Variants in EBF2 observed in about 807,000 individuals in gnomAD.
The protein encoded by EBF2 is transcription factor COE2.
EBF2 carries 21 observed loss-of-function variants against 72.8 expected under a neutral mutation model. That is an observed-to-expected ratio of 0.29 (90% CI 0.20 to 0.42). EBF2 has a LOEUF of 0.42. EBF2 is among the 10% of genes least tolerant of loss of function. The probability of loss-of-function intolerance (pLI) is 1.00; values close to 1 mark genes in which losing one functional copy is unlikely to be tolerated. For synonymous variants in EBF2, 299 were observed against 274.2 expected (o/e 1.09, Z -0.89); for missense variants, 637 against 731.2 (o/e 0.87, Z 1.49).
At chr8:25,905,551 A>G (rs1049521705) in intron 7 of EBF2, among the ~76,000 whole-genome samples, 4 of 152,242 alleles carry the variant, frequency 2.6e-5, no homozygotes, top group African/African-American at 9.6e-5. Flanking sequence ...GAGGAACTTT[A>G]AAAACATTAT....
chr8:25,940,346 G>C (rs1585202350), intron 6 of EBF2, among the ~76,000 whole-genome samples: 1 of 152,300 alleles, frequency 6.6e-6, no homozygotes, highest in Non-Finnish European at 1.5e-5. Flanking sequence ...CAAGGACAGG[G>C]AGTTGACGTG....
At chr8:25,844,965 T>C (rs1053166203) in intron 15 of EBF2, among the ~76,000 whole-genome samples, 5 of 152,246 alleles carry the variant, frequency 3.3e-5, no homozygotes, top group African/African-American at 1.2e-4. Context: ...AATATATGCA[T>C]ATTTTTTTAT....
At chr8:25,867,289 A>T (rs188366104) in intron 10 of EBF2, among the ~76,000 whole-genome samples, 1 of 152,324 alleles carries the variant, frequency 6.6e-6, no homozygotes, top group African/African-American at 2.4e-5. Flanking sequence ...ATGCTCTATA[A>T]ATCTTACATA....
intron 6 of EBF2, among the ~76,000 whole-genome samples, chr8:25,958,561 C>G (rs932765858): frequency 1.4e-4 from 21 of 152,196 alleles, no homozygotes; most frequent in African/African-American, 4.3e-4. Flanking sequence ...TCCCCATTTC[C>G]TGCTGCTTAA....
At position 25,889,884 on chromosome 8, in the gene EBF2, T is replaced by C. The variant is rs757142348; in HGVS notation, c.634-15A>G. 6.2e-7 allele frequency: 1 copy of C among 1,607,512 alleles called. No homozygotes were observed. The highest frequency in any genetic ancestry group is 2.2e-5 in the East Asian group (1 of 44,820). The stretch of plus-strand genomic sequence containing the variant: ...GACAACACAACCTGCATATTTAAAG[T>C]AAAAAGGAGAAAGGGGGTGCAGTGG... On this transcript the variant is annotated splice_polypyrimidine_tract_variant and intron_variant, in intron 7 of 15. Coordinates refer to ENST00000520164, the MANE Select transcript of EBF2 (RefSeq NM_022659.4).
At chr8:25,910,463 T>G (rs1803108257) in intron 6 of EBF2, among the ~76,000 whole-genome samples, 1 of 152,164 alleles carries the variant, frequency 6.6e-6, no homozygotes, top group Admixed American at 6.5e-5. Context: ...TTGCCACAAC[T>G]GTGCTCCTTG....
chr8:25,949,829 T>G (rs1185080430), intron 6 of EBF2, among the ~76,000 whole-genome samples: 1 of 152,162 alleles, frequency 6.6e-6, no homozygotes, highest in Non-Finnish European at 1.5e-5. Context: ...AAAATAAACT[T>G]GGCCTACTTC....
At chr8:25,972,169 G>A (rs1036115016) in intron 6 of EBF2, among the ~76,000 whole-genome samples, 2 of 152,142 alleles carry the variant, frequency 1.3e-5, no homozygotes, top group Non-Finnish European at 2.9e-5. Flanking sequence ...GACCTGGAGC[G>A]GGGCTTTCCA....
intron 10 of EBF2, among the ~76,000 whole-genome samples, chr8:25,885,693 GTTCC>G (rs1390642254): frequency 5.9e-5 from 9 of 152,192 alleles, no homozygotes; most frequent in African/African-American, 2.2e-4. Flanking sequence ...TTTATAGTGG[GTTCC>G]CCTTCACTTG....
chr8:26,029,738 A>G (rs1258362440), intron 6 of EBF2, among the ~76,000 whole-genome samples: 2 of 152,248 alleles, frequency 1.3e-5, no homozygotes, highest in Non-Finnish European at 2.9e-5. Flanking sequence ...ACAGAGTTCT[A>G]TATTTACACA....
At chr8:25,888,384 C>T (rs1399822010) in intron 8 of EBF2, among the ~76,000 whole-genome samples, 2 of 152,142 alleles carry the variant, frequency 1.3e-5, no homozygotes, top group Admixed American at 1.3e-4. Context: ...GTCATTAAAG[C>T]CTAATGAGTT....
chr8:25,862,734 G>A lies in EBF2; in HGVS notation c.1073C>T (p.Pro358Leu). ...QRLQKVIPRH[P>L]GDPERLAKEM... ...CTTAGCTAATCTCTCAGGATCTCCA[G>A]GATGCCTAGGGATGACCTTCTGCAG... The change falls in exon 11 of 16, where the codon CCT (proline) becomes CTT (leucine). Residue 358 changes from proline to leucine, a missense_variant. Around this residue, in one of 3 missense-constraint regions of EBF2, gnomAD observed 204 missense variants for 301.2 expected, o/e 0.68. Transcript: ENST00000520164. 1 of 1,599,586 alleles carries A rather than the reference G, an allele frequency of 6.3e-7. No individual in the cohort carries two copies. The highest frequency in any genetic ancestry group is 8.5e-7 in the Non-Finnish European group (1 of 1,171,838).
chr8:25,958,670 T>C (rs1184932357), intron 6 of EBF2, among the ~76,000 whole-genome samples: 1 of 152,334 alleles, frequency 6.6e-6, no homozygotes, highest in East Asian at 1.9e-4. Flanking sequence ...GGTTCCCTGT[T>C]GAGTGCTATT....
rs182329211 is a variant in EBF2 at position 26,008,656 on chromosome 8, C to T, written c.551+24429G>A. Reference sequence around the variant, plus strand: ...TTCCCATTTGATTTTTTCCTTTTGCCTGAAATTTTACTGCCAATATTAAAT... The same window carrying T: ...TTCCCATTTGATTTTTTCCTTTTGCTTGAAATTTTACTGCCAATATTAAAT... On this transcript the variant is annotated intron_variant, in intron 6 of 15. Transcript: ENST00000520164. Among the ~76,000 whole-genome samples, 659 of 152,196 alleles carry T rather than the reference C, an allele frequency of 4.3e-3. 4 individuals carry two copies. Among genetic ancestry groups the T allele is most frequent in the African/African-American group, 0.015 (630 of 41,538 alleles).
chr8:25,922,151 G>T (rs189266902), intron 6 of EBF2, among the ~76,000 whole-genome samples: 1 of 151,958 alleles, frequency 6.6e-6, no homozygotes. Flanking sequence ...CTGAAAACCA[G>T]AACCTGAGTT....
chr8:25,975,523 G>A (rs1465272782), intron 6 of EBF2, among the ~76,000 whole-genome samples: 1 of 152,120 alleles, frequency 6.6e-6, no homozygotes, highest in African/African-American at 2.4e-5. Context: ...TGCTTTGCAG[G>A]TTATTAATAT....
chr8:25,904,235 CA>C (rs35930162), intron 7 of EBF2, among the ~76,000 whole-genome samples: 196 of 121,796 alleles, frequency 1.6e-3, no homozygotes, highest in Non-Finnish European at 1.9e-3. Context: ...GGGTCTGGGC[CA>C]AAAAAAAAAA....
intron 6 of EBF2, among the ~76,000 whole-genome samples, chr8:26,008,691 T>C (rs1172056637): frequency 6.6e-6 from 1 of 151,798 alleles, no homozygotes; most frequent in African/African-American, 2.4e-5. Context: ...TTAGCAGCGT[T>C]TTATCATCTT....
Position 26,042,257 on chromosome 8 carries a change from C to T in EBF2, c.132-6G>A. ...CCCGGGACAGGGCGACCCCGCTGCACAGGGAGAAAAACGGGGGAACACAAG... is the reference window on the plus strand; with the variant it reads ...CCCGGGACAGGGCGACCCCGCTGCATAGGGAGAAAAACGGGGGAACACAAG... On this transcript the variant is annotated splice_region_variant and splice_polypyrimidine_tract_variant and intron_variant, in intron 1 of 15. Coordinates refer to ENST00000520164, the MANE Select transcript of EBF2 (RefSeq NM_022659.4). The T allele has an allele frequency of 6.2e-7, 1 of 1,610,724 alleles. No homozygotes were observed. The highest frequency in any genetic ancestry group is 8.5e-7 in the Non-Finnish European group (1 of 1,178,234).
Sources: allele counts gnomAD v4.1 joint callset (sites outside exome capture counted in the v4.1 genomes callset), GRCh38; gene constraint gnomAD v4.1.1; regional missense constraint gnomAD v4.1.1; transcripts MANE v1.5; gene names NCBI Gene and HGNC (gene_info 2026-07-23, HGNC 2026-07-21).